The following FAM149B1 variants were observed in gnomAD, a reference collection of about 807,000 sequenced individuals.
FAM149B1 encodes the protein primary cilium assembly protein FAM149B1.
FAM149B1 carries 56 observed loss-of-function variants against 75.3 expected under a neutral mutation model. The observed-to-expected ratio is 0.74, with a 90% confidence interval of 0.60 to 0.93. FAM149B1 has a LOEUF of 0.93. FAM149B1 is among the 40% of genes least tolerant of loss of function. FAM149B1 has a pLI of 0.00. For synonymous variants in FAM149B1, 259 were observed against 256.1 expected (o/e 1.01, Z -0.11); for missense variants, 639 against 708.4 (o/e 0.90, Z 1.11).
chr10:73,182,432 G>A (rs750543190), intron 3 of FAM149B1, among the ~76,000 whole-genome samples: 5 of 152,052 alleles, frequency 3.3e-5, no homozygotes, highest in Admixed American at 6.6e-5. Flanking sequence ...GGCTGGTCTC[G>A]AACTCCTGAC....
Position 73,168,365 on chromosome 10 carries a change from C to T in FAM149B1, c.26C>T (p.Ala9Val). 2 of 1,549,896 alleles carry T rather than the reference C, an allele frequency of 1.3e-6. No homozygotes were observed. The highest frequency in any genetic ancestry group is 1.7e-6 in the Non-Finnish European group (2 of 1,146,778). Residue 9 changes from alanine to valine, a missense_variant, in exon 1 of 14, where the codon GCG becomes GTG. Ala to Val is a moderately conservative substitution (Grantham distance 64). Coordinates refer to ENST00000242505, the MANE Select transcript of FAM149B1 (RefSeq NM_173348.2). The part of the protein sequence containing the change: MISRYTRK[A>V]VPQSLELKGI... ...ATGATCTCCAGATACACTCGGAAGG[C>T]GGTGCCACAGAGCTTGGAGCTGTGA...
At position 73,243,668 on chromosome 10, in the gene FAM149B1, T is replaced by C. The variant is rs966195553; in HGVS notation, c.*2649T>C. 3 of 1,193,648 alleles carry C rather than the reference T, an allele frequency of 2.5e-6. No individual in the cohort carries two copies. The highest frequency in any genetic ancestry group is 3.5e-6 in the Non-Finnish European group (3 of 848,192). The allele number at this position is 1,193,648 out of a possible 1,614,324, so 73.9% of individuals were successfully genotyped here. On this transcript the variant is annotated 3_prime_UTR_variant, in exon 14 of 14. Coordinates refer to ENST00000242505, the MANE Select transcript of FAM149B1 (RefSeq NM_173348.2). ...GAAAATGTCCTACAATTGGTGTTAA[T>C]AATTGTAAAACTTTGTAAATACACT...
chr10:73,199,197 T>TTTTTTG lies in FAM149B1; in HGVS notation c.542+5606_542+5607insTTTGTT, dbSNP rs1554856998. Reference sequence around the variant, plus strand: ...TTAGGTAAGATAACTGTTATCCTTTTTTGTTGTTGTTGTTGTTGTTGTTGT... The same window carrying TTTTTTG: ...TTAGGTAAGATAACTGTTATCCTTTTTTTTTGTTGTTGTTGTTGTTGTTGTTGTTGT... On this transcript the variant is annotated intron_variant, in intron 5 of 13. Coordinates refer to ENST00000242505, the MANE Select transcript of FAM149B1 (RefSeq NM_173348.2). 1.4e-4 allele frequency among the ~76,000 whole-genome samples: 21 copies of TTTTTTG among 146,560 alleles called. No homozygotes were observed. In the South Asian group the frequency reaches 1.6e-3, roughly 11 times the overall value.
chr10:73,225,729 A>C (rs2043526765), intron 7 of FAM149B1, among the ~76,000 whole-genome samples: 1 of 152,232 alleles, frequency 6.6e-6, no homozygotes, highest in African/African-American at 2.4e-5. Context: ...ACTCAGAGCA[A>C]CTTTCATTCC....
At chr10:73,193,666 G>T in intron 5 of FAM149B1, 73 bp downstream of exon 5, 1 of 1,411,172 alleles carries the variant, frequency 7.1e-7, no homozygotes, top group Non-Finnish European at 9.5e-7. Context: ...GTTGTATTAA[G>T]GGATTAAAAT....
intron 13 of FAM149B1, among the ~76,000 whole-genome samples, chr10:73,239,794 A>C (rs904675029): frequency 6.6e-6 from 1 of 152,176 alleles, no homozygotes; most frequent in Non-Finnish European, 1.5e-5. Context: ...TTGATCAGTT[A>C]ATCTGTTAGG....
intron 3 of FAM149B1, among the ~76,000 whole-genome samples, chr10:73,180,444 A>T (rs1483919237): frequency 6.6e-6 from 1 of 152,246 alleles, no homozygotes; most frequent in African/African-American, 2.4e-5. Flanking sequence ...ATTGTATTCT[A>T]ATAATTAGAT....
chr10:73,213,015 T>C (rs2133372393), intron 7 of FAM149B1, among the ~76,000 whole-genome samples: 1 of 152,214 alleles, frequency 6.6e-6, no homozygotes, highest in South Asian at 2.1e-4. Context: ...GCTAATCTTT[T>C]GGTATTTTTT....
rs1172321451 is a variant in FAM149B1, at chr10:73,208,689, T to C, written c.613T>C (p.Ser205Pro). 2 of 1,548,890 alleles carry C rather than the reference T, an allele frequency of 1.3e-6. No homozygotes were observed. The highest frequency in any genetic ancestry group is 1.7e-6 in the Non-Finnish European group (2 of 1,145,264). ...TCATAAAGCATCTTCCATTGCCAAA[T>C]CCTCCAGCTTTTGTTCTATGGAAAG... ...YAHKASSIAK[S>P]SSFCSMERDE... The change falls in exon 6 of 14, where the codon TCC becomes CCC. Residue 205 changes from serine to proline, a missense_variant. Ser to Pro is a moderately conservative substitution (Grantham distance 74). Coordinates refer to ENST00000242505, the MANE Select transcript of FAM149B1 (RefSeq NM_173348.2).
intron 7 of FAM149B1, among the ~76,000 whole-genome samples, chr10:73,214,989 T>G (rs2043263984): frequency 6.6e-6 from 1 of 152,042 alleles, no homozygotes; most frequent in Non-Finnish European, 1.5e-5. Context: ...CTATCTGGTT[T>G]TTGTTGTTGT....
chr10:73,238,654 CT>C (rs2043877050), intron 12 of FAM149B1: 1 of 152,196 alleles, frequency 6.6e-6, no homozygotes, highest in African/African-American at 2.4e-5. Flanking sequence ...TTGCTGACCC[CT>C]GATCTCTAAA....
chr10:73,212,014 G>A (rs199619115), intron 7 of FAM149B1, among the ~76,000 whole-genome samples: 2 of 152,204 alleles, frequency 1.3e-5, no homozygotes, highest in East Asian at 3.9e-4. Context: ...TGAACCCATT[G>A]TTTAGCTTTC....
rs373871211 is a variant in FAM149B1, at chr10:73,228,091, C to T, written c.930C>T (p.Pro310=). The change falls in exon 8 of 14, where the codon CCC becomes CCT. Residue 310 remains proline, a synonymous_variant. Transcript: ENST00000242505. ...DDESNVAVTR[P]DSESSCVLSE... Reference sequence around the variant, plus strand: ...AGAGTAATGTTGCAGTTACCAGACCCGATTCAGAAAGTTCCTGTGTGCTGA... The same window carrying T: ...AGAGTAATGTTGCAGTTACCAGACCTGATTCAGAAAGTTCCTGTGTGCTGA... 237 of 1,551,486 alleles carry T rather than the reference C, an allele frequency of 1.5e-4. 1 individual carries two copies. In the East Asian group the frequency reaches 4.7e-3, roughly 31 times the overall value.
At chr10:73,237,590 T>G (rs992283254) in intron 12 of FAM149B1, among the ~76,000 whole-genome samples, 3 of 152,106 alleles carry the variant, frequency 2.0e-5, no homozygotes, top group Non-Finnish European at 4.4e-5. Flanking sequence ...CAGCTAATTT[T>G]TGTATTCTTT....
intron 3 of FAM149B1, among the ~76,000 whole-genome samples, chr10:73,186,233 T>A (rs1421422300): frequency 3.9e-5 from 6 of 151,984 alleles, no homozygotes; most frequent in Admixed American, 3.9e-4. Context: ...AAAAATGACA[T>A]GATCATCTTA....
chr10:73,181,034 T>A (rs1589138769), intron 3 of FAM149B1, among the ~76,000 whole-genome samples: 1 of 148,524 alleles, frequency 6.7e-6, no homozygotes, highest in Admixed American at 6.8e-5. Context: ...TGAGACGGAG[T>A]GTCGCATTGT....
intron 2 of FAM149B1, among the ~76,000 whole-genome samples, chr10:73,176,215 G>T (rs1178078044): frequency 6.6e-6 from 1 of 152,076 alleles, no homozygotes; most frequent in Non-Finnish European, 1.5e-5. Flanking sequence ...TTGTGCTCCT[G>T]TGAGAATCTG....
chr10:73,223,607 G>A (rs2043467671), intron 7 of FAM149B1, among the ~76,000 whole-genome samples: 1 of 152,140 alleles, frequency 6.6e-6, no homozygotes, highest in Non-Finnish European at 1.5e-5. Context: ...TTTTCAAAGT[G>A]GTTATACCTA....
intron 12 of FAM149B1, among the ~76,000 whole-genome samples, chr10:73,238,377 C>T (rs1020034765): frequency 6.6e-6 from 1 of 152,206 alleles, no homozygotes; most frequent in Non-Finnish European, 1.5e-5. Context: ...GCTAGCTGTC[C>T]TGGGCCTGGC....
Sources: gnomAD v4.1 joint callset for allele counts (sites outside exome capture counted in the v4.1 genomes callset) on GRCh38, gnomAD v4.1.1 for gene constraint, MANE v1.5 for transcripts, NCBI Gene and HGNC (gene_info 2026-07-23, HGNC 2026-07-21) for gene names.